The following TRIM2 variants were observed in gnomAD, a reference collection of about 807,000 sequenced individuals.
TRIM2 encodes tripartite motif-containing protein 2.
In TRIM2, 20 loss-of-function variants were observed where a neutral mutation model predicts 75.2. That is an observed-to-expected ratio of 0.27 (90% confidence interval 0.19 to 0.39). TRIM2 has a LOEUF of 0.39. TRIM2 is among the 10% of genes least tolerant of loss of function. TRIM2 has a pLI of 1.00. For synonymous variants in TRIM2, 373 were observed against 388.3 expected, an observed-to-expected ratio of 0.96 and a Z score of 0.46; for missense variants, 660 against 990.8, an observed-to-expected ratio of 0.67 and a Z score of 4.48.
chr4:153,230,838 A>G (rs964543536), intron 1 of TRIM2, among the ~76,000 whole-genome samples: 1 of 152,258 alleles, frequency 6.6e-6, no homozygotes, highest in Non-Finnish European at 1.5e-5. Flanking sequence ...TTTCATCAAC[A>G]TAGCAGGTAA....
chr4:153,222,092 G>A (rs1289370276), intron 1 of TRIM2, among the ~76,000 whole-genome samples: 1 of 147,170 alleles, frequency 6.8e-6, no homozygotes, highest in Admixed American at 6.9e-5. Context: ...AGAGAGGAAG[G>A]GTCCCTACTC....
chr4:153,155,402 A>G (rs528699450), intron 1 of TRIM2, among the ~76,000 whole-genome samples: 1 of 152,338 alleles, frequency 6.6e-6, no homozygotes, highest in Admixed American at 6.5e-5. Flanking sequence ...GTACTTTAAA[A>G]AGAATATGCA....
chr4:153,268,763 T>G (rs539268721), intron 1 of TRIM2, among the ~76,000 whole-genome samples: 69 of 152,344 alleles, frequency 4.5e-4, no homozygotes, highest in Non-Finnish European at 7.6e-4. Context: ...CTTTGCTGTC[T>G]TCTCTTTCTG....
At chr4:153,288,796 C>T (rs972244049) in intron 3 of TRIM2, among the ~76,000 whole-genome samples, 28 of 151,322 alleles carry the variant, frequency 1.9e-4, no homozygotes, top group Admixed American at 5.3e-4. Flanking sequence ...TTTCCTGCCT[C>T]ACAGACTGTA....
At chr4:153,259,361 A>G (rs988149528) in intron 1 of TRIM2, among the ~76,000 whole-genome samples, 8 of 152,130 alleles carry the variant, frequency 5.3e-5, no homozygotes, top group Non-Finnish European at 1.2e-4. Flanking sequence ...CTTAGGCGTT[A>G]ATTTCTCCAT....
intron 1 of TRIM2, among the ~76,000 whole-genome samples, chr4:153,175,989 C>T (rs571314032): frequency 6.6e-6 from 1 of 151,490 alleles, no homozygotes; most frequent in African/African-American, 2.4e-5. Flanking sequence ...GGCTATAGTG[C>T]ACCCTGATCG....
chr4:153,284,121 C>T (rs1190878373), intron 3 of TRIM2, among the ~76,000 whole-genome samples: 1 of 151,546 alleles, frequency 6.6e-6, no homozygotes, highest in East Asian at 1.9e-4. Flanking sequence ...TCAGGTGATC[C>T]GCCCACTTCG....
At chr4:153,231,318 T>A (rs2149801042) in intron 1 of TRIM2, among the ~76,000 whole-genome samples, 1 of 152,234 alleles carries the variant, frequency 6.6e-6, no homozygotes, top group South Asian at 2.1e-4. Context: ...ATACAGACAT[T>A]AAGTACAATG....
chr4:153,223,698 A>G (rs1044700324), intron 1 of TRIM2, among the ~76,000 whole-genome samples: 1 of 152,182 alleles, frequency 6.6e-6, no homozygotes, highest in African/African-American at 2.4e-5. Flanking sequence ...TGTGAACCCC[A>G]AATTCGTTCC....
At chr4:153,245,016 T>C (rs921824653) in intron 1 of TRIM2, among the ~76,000 whole-genome samples, 1 of 152,192 alleles carries the variant, frequency 6.6e-6, no homozygotes, top group Non-Finnish European at 1.5e-5. Flanking sequence ...CCATCTTCTG[T>C]GGGTAAAATC....
chr4:153,221,284 T>C (rs947483219), intron 1 of TRIM2, among the ~76,000 whole-genome samples: 5 of 152,192 alleles, frequency 3.3e-5, no homozygotes, highest in African/African-American at 1.2e-4. Context: ...ATATGAAATG[T>C]CCAAGTGTGG....
chr4:153,244,165 C>A (rs927654571), intron 1 of TRIM2, among the ~76,000 whole-genome samples: 1 of 146,804 alleles, frequency 6.8e-6, no homozygotes, highest in Middle Eastern at 3.5e-3. Context: ...TCTTCTTCTT[C>A]TTCTTCTTCT....
intron 1 of TRIM2, among the ~76,000 whole-genome samples, chr4:153,190,979 C>T (rs1733127932): frequency 1.3e-5 from 2 of 152,140 alleles, no homozygotes; most frequent in Admixed American, 6.5e-5. Flanking sequence ...CCAAGCGATC[C>T]ACCACCTCAG....
chr4:153,241,536 C>T (rs1236668704), intron 1 of TRIM2, among the ~76,000 whole-genome samples: 1 of 152,166 alleles, frequency 6.6e-6, no homozygotes, highest in Non-Finnish European at 1.5e-5. Flanking sequence ...AAGGGGCACA[C>T]CCACTTAAGT....
chr4:153,313,359 G>A (rs1485262613), intron 6 of TRIM2, among the ~76,000 whole-genome samples: 1 of 152,118 alleles, frequency 6.6e-6, no homozygotes, highest in Non-Finnish European at 1.5e-5. Context: ...AAACTTGATA[G>A]GGTCCATGAT....
intron 1 of TRIM2, among the ~76,000 whole-genome samples, chr4:153,164,058 T>C (rs192411094): frequency 7.9e-5 from 12 of 152,348 alleles, no homozygotes; most frequent in Non-Finnish European, 1.2e-4. Flanking sequence ...TTAAGCTAAC[T>C]TCTCCCCGAA....
At chr4:153,333,360 T>G (rs976423844) in intron 11 of TRIM2, among the ~76,000 whole-genome samples, 4 of 152,176 alleles carry the variant, frequency 2.6e-5, no homozygotes, top group Non-Finnish European at 4.4e-5. Flanking sequence ...GAGATCTTTA[T>G]GTTGATGGGA....
At chr4:153,168,118 C>G (rs759529249) in intron 1 of TRIM2, among the ~76,000 whole-genome samples, 147 of 121,752 alleles carry the variant, frequency 1.2e-3, no homozygotes, top group Non-Finnish European at 2.6e-3. Context: ...GGTGTCTGTA[C>G]AAGGATTTTT....
At chr4:153,179,675 G>A (rs566125741) in intron 1 of TRIM2, among the ~76,000 whole-genome samples, 4 of 152,258 alleles carry the variant, frequency 2.6e-5, no homozygotes, top group Non-Finnish European at 2.9e-5. Flanking sequence ...TTTTTTTCAC[G>A]TGGCTGAATG....
Sources: gnomAD v4.1 joint callset for allele counts (sites outside exome capture counted in the v4.1 genomes callset) on GRCh38, gnomAD v4.1.1 for gene constraint, MANE v1.5 for transcripts, NCBI Gene and HGNC (gene_info 2026-07-23, HGNC 2026-07-21) for gene names.